BCKDHB: variants seen among roughly 807,000 people sequenced by gnomAD.
BCKDHB encodes the protein 2-oxoisovalerate dehydrogenase subunit beta, mitochondrial.
In BCKDHB, 41 loss-of-function variants were observed where a neutral mutation model predicts 48.5. The observed-to-expected ratio is 0.85, with a 90% CI of 0.66 to 1.10. The LOEUF (loss-of-function observed/expected upper bound fraction) is 1.10, where lower values mean the gene tolerates loss of function less well. BCKDHB is among the 50% of genes least tolerant of loss of function. The pLI is 0.00. For synonymous variants in BCKDHB, 201 were observed against 174.8 expected (o/e 1.15, Z -1.18); for missense variants, 496 against 494.2 (o/e 1.00, Z -0.03).
At chr6:80,393,521 A>G in the BCKDHB span, among the ~76,000 whole-genome samples, 4 of 133,402 alleles carry the variant, frequency 3.0e-5, no homozygotes, top group Middle Eastern at 3.9e-3. Context: ...TTCACCAGAC[A>G]CTCAATCTGC....
chr6:80,132,384 T>G (rs1355500667), intron 3 of BCKDHB, among the ~76,000 whole-genome samples: 1 of 152,192 alleles, frequency 6.6e-6, no homozygotes, highest in African/African-American at 2.4e-5. Flanking sequence ...GGACCTAATA[T>G]TGTATCAGGC....
chr6:80,246,033 T>G (rs1776597005), intron 8 of BCKDHB, among the ~76,000 whole-genome samples: 1 of 152,042 alleles, frequency 6.6e-6, no homozygotes, highest in East Asian at 1.9e-4. Flanking sequence ...CTGAGATGAC[T>G]CCCCTGCACT....
At chr6:80,407,296 T>C in the BCKDHB span, among the ~76,000 whole-genome samples, 57 of 152,294 alleles carry the variant, frequency 3.7e-4, no homozygotes, top group African/African-American at 1.3e-3. Context: ...GCATGATACC[T>C]CCAGGTTTGT....
the BCKDHB span, among the ~76,000 whole-genome samples, chr6:80,421,831 A>T: frequency 1.3e-5 from 2 of 152,224 alleles, no homozygotes; most frequent in African/African-American, 4.8e-5. Context: ...TGCATTCACA[A>T]AGAGAATACC....
the BCKDHB span, among the ~76,000 whole-genome samples, chr6:80,359,468 GTCC>G: frequency 2.0e-5 from 3 of 152,154 alleles, no homozygotes; most frequent in Non-Finnish European, 2.9e-5. Flanking sequence ...TTGTGTTTGT[GTCC>G]TCCTGTTTTC....
the BCKDHB span, among the ~76,000 whole-genome samples, chr6:80,461,511 A>C: frequency 3.3e-4 from 50 of 152,250 alleles, no homozygotes; most frequent in African/African-American, 1.1e-3. Flanking sequence ...CAAAATAGAC[A>C]TCTGATCATT....
the BCKDHB span, among the ~76,000 whole-genome samples, chr6:80,358,956 A>C: frequency 6.6e-6 from 1 of 152,190 alleles, no homozygotes; most frequent in Admixed American, 6.5e-5. Context: ...ATTTCTGAAT[A>C]ATGAGGCAGC....
chr6:80,316,178 T>C (rs1027467757), intron 9 of BCKDHB, among the ~76,000 whole-genome samples: 1 of 152,246 alleles, frequency 6.6e-6, no homozygotes, highest in Non-Finnish European at 1.5e-5. Context: ...TAATTTACTT[T>C]GACAGATCAT....
chr6:80,142,680 G>A (rs1240424196), intron 3 of BCKDHB, among the ~76,000 whole-genome samples: 4 of 152,028 alleles, frequency 2.6e-5, no homozygotes, highest in Non-Finnish European at 5.9e-5. Flanking sequence ...GGGAGGAGGA[G>A]TATTGAAAAA....
chr6:80,406,620 T>C, the BCKDHB span, among the ~76,000 whole-genome samples: 1 of 152,252 alleles, frequency 6.6e-6, no homozygotes, highest in East Asian at 1.9e-4. Flanking sequence ...TGATGAGCAT[T>C]TTTTCATGTG....
intron 6 of BCKDHB, among the ~76,000 whole-genome samples, chr6:80,193,903 C>G (rs539155036): frequency 3.3e-5 from 5 of 152,184 alleles, no homozygotes; most frequent in African/African-American, 1.2e-4. Context: ...TCTCAATATT[C>G]AGAACTCAGT....
intron 8 of BCKDHB, among the ~76,000 whole-genome samples, chr6:80,267,659 T>A (rs1033182803): frequency 6.6e-6 from 1 of 152,128 alleles, no homozygotes; most frequent in Non-Finnish European, 1.5e-5. Context: ...AACATGTTTA[T>A]CTGAAATATT....
At chr6:80,371,853 T>C in the BCKDHB span, among the ~76,000 whole-genome samples, 1 of 152,206 alleles carries the variant, frequency 6.6e-6, no homozygotes, top group Non-Finnish European at 1.5e-5. Flanking sequence ...CCTATTTTTA[T>C]ACCAGTACCA....
At chr6:80,151,554 G>T (rs895247696) in intron 3 of BCKDHB, among the ~76,000 whole-genome samples, 4 of 151,966 alleles carry the variant, frequency 2.6e-5, no homozygotes, top group African/African-American at 9.7e-5. Flanking sequence ...TATTTTGAAA[G>T]AACAATATCA....
At chr6:80,291,659 T>G (rs1041122087) in intron 9 of BCKDHB, among the ~76,000 whole-genome samples, 1 of 152,064 alleles carries the variant, frequency 6.6e-6, no homozygotes, top group African/African-American at 2.4e-5. Flanking sequence ...TCCCTTTTGT[T>G]TTTTTTTCTG....
At chr6:80,148,913 G>C (rs902407996) in intron 3 of BCKDHB, among the ~76,000 whole-genome samples, 1 of 152,116 alleles carries the variant, frequency 6.6e-6, no homozygotes, top group African/African-American at 2.4e-5. Flanking sequence ...GCATGGACAA[G>C]GACTTCATGT....
At chr6:80,132,117 GT>G (rs1770659373) in intron 3 of BCKDHB, among the ~76,000 whole-genome samples, 1 of 151,862 alleles carries the variant, frequency 6.6e-6, no homozygotes, top group Non-Finnish European at 1.5e-5. Flanking sequence ...GCCCCCTGTT[GT>G]TTTTTCTTCT....
At chr6:80,263,952 C>T (rs753468903) in intron 8 of BCKDHB, among the ~76,000 whole-genome samples, 9 of 151,896 alleles carry the variant, frequency 5.9e-5, no homozygotes, top group Admixed American at 5.2e-4. Flanking sequence ...TGGGGACTTA[C>T]GAATTGAAAA....
chr6:80,126,897 C>T (rs1006975856), intron 1 of BCKDHB, among the ~76,000 whole-genome samples: 4 of 152,166 alleles, frequency 2.6e-5, no homozygotes, highest in Non-Finnish European at 4.4e-5. Flanking sequence ...TTATTCAGCA[C>T]TCACTGTGTC....
Sources: gnomAD v4.1 joint callset for allele counts (sites outside exome capture counted in the v4.1 genomes callset) on GRCh38, gnomAD v4.1.1 for gene constraint, MANE v1.5 for transcripts, NCBI Gene and HGNC (gene_info 2026-07-23, HGNC 2026-07-21) for gene names.